The following MMP24 variants were observed in gnomAD, a reference collection of about 807,000 sequenced individuals.
The protein encoded by MMP24 is matrix metalloproteinase-24.
In MMP24, 25 loss-of-function variants were observed where a neutral mutation model predicts 62.8. The ratio of observed to expected loss-of-function variants is 0.40; its 90% CI spans 0.29 to 0.56. The LOEUF is 0.56. Among genes scored for constraint, MMP24 ranks in the 20% least tolerant of loss-of-function variants. The pLI is 0.50. For missense variants in MMP24, 634 were observed against 853.6 expected, an observed-to-expected ratio of 0.74 and a Z score of 3.21; for synonymous variants, 319 against 350.5, an observed-to-expected ratio of 0.91 and a Z score of 1.00.
intron 5 of MMP24, among the ~76,000 whole-genome samples, chr20:35,266,448 C>T (rs2060636211): frequency 6.6e-6 from 1 of 151,656 alleles, no homozygotes; most frequent in East Asian, 1.9e-4. Context: ...AATATGCAGC[C>T]CAAGTGAAGA....
intron 1 of MMP24, among the ~76,000 whole-genome samples, chr20:35,240,763 C>A (rs1173842241): frequency 6.6e-6 from 1 of 152,146 alleles, no homozygotes; most frequent in Admixed American, 6.5e-5. Flanking sequence ...GATATCCAGG[C>A]AGTGCCTCCT....
chr20:35,229,274 A>T (rs1417076412), intron 1 of MMP24, among the ~76,000 whole-genome samples: 3 of 152,050 alleles, frequency 2.0e-5, no homozygotes, highest in Non-Finnish European at 4.4e-5. Flanking sequence ...GCTTAATATG[A>T]TCTGAAGTCT....
At chr20:35,252,400 A>G (rs1169995172) in intron 3 of MMP24, among the ~76,000 whole-genome samples, 2 of 152,182 alleles carry the variant, frequency 1.3e-5, no homozygotes, top group Non-Finnish European at 2.9e-5. Context: ...AGCCTGCGTG[A>G]CAGAGTGAGA....
rs758526849 is a variant in MMP24 at position 35,274,357 on chromosome 20, C to A, written c.1686C>A (p.Ile562=). The change falls in exon 9 of 9, where the codon ATC becomes ATA. Residue 562 remains isoleucine (I), a synonymous_variant. Transcript: ENST00000246186. The surrounding 1 kb of genome is among the most constrained non-coding windows in gnomAD (Gnocchi z 5.1). ...LSVEPGYPRN[I]LRDWMGCNQK... ...TGGAGCCAGGCTACCCGCGCAACATCCTGCGTGACTGGATGGGCTGCAACC... is the reference window on the plus strand; with the variant it reads ...TGGAGCCAGGCTACCCGCGCAACATACTGCGTGACTGGATGGGCTGCAACC... 1 of 1,613,980 alleles carries A rather than the reference C, an allele frequency of 6.2e-7. No homozygotes were observed. Among genetic ancestry groups the A allele is most frequent in the South Asian group, 1.1e-5 (1 of 91,084 alleles).
chr20:35,251,116 CTT>C (rs59317276), intron 2 of MMP24, among the ~76,000 whole-genome samples: 22 of 138,706 alleles, frequency 1.6e-4, no homozygotes, highest in Non-Finnish European at 1.4e-4. Flanking sequence ...TAAGCCACTT[CTT>C]TTTTTTTTTT....
At chr20:35,266,249 G>A (rs1043372098) in intron 5 of MMP24, among the ~76,000 whole-genome samples, 6 of 149,894 alleles carry the variant, frequency 4.0e-5, no homozygotes, top group Admixed American at 1.3e-4. Context: ...CTACTTGGGA[G>A]GATGAGGCAG....
At chr20:35,238,336 C>T (rs564856487) in intron 1 of MMP24, among the ~76,000 whole-genome samples, 23 of 152,164 alleles carry the variant, frequency 1.5e-4, no homozygotes, top group Admixed American at 4.6e-4. Flanking sequence ...CAGGAGGAAG[C>T]GACAGATATT....
intron 4 of MMP24, among the ~76,000 whole-genome samples, chr20:35,261,935 G>C: frequency 6.6e-6 from 1 of 151,702 alleles, no homozygotes; most frequent in Non-Finnish European, 1.5e-5. Flanking sequence ...GGAGTAGCTG[G>C]TACTATAGGC....
chr20:35,257,840 A>G (rs2060582343), intron 4 of MMP24, among the ~76,000 whole-genome samples: 1 of 152,242 alleles, frequency 6.6e-6, no homozygotes, highest in African/African-American at 2.4e-5. Context: ...TGGAAAACCA[A>G]GCAGGAACTG....
chr20:35,242,859 G>A (rs780071656), intron 1 of MMP24, among the ~76,000 whole-genome samples: 4 of 152,088 alleles, frequency 2.6e-5, no homozygotes, highest in Admixed American at 6.6e-5. Context: ...CACATGGGAG[G>A]GCAGGATGGC....
At chr20:35,264,879 T>G (rs899880443) in intron 5 of MMP24, among the ~76,000 whole-genome samples, 1 of 152,050 alleles carries the variant, frequency 6.6e-6, no homozygotes, top group East Asian at 1.9e-4. Context: ...GGGAGACCAG[T>G]TTACTTGAGC....
intron 2 of MMP24, among the ~76,000 whole-genome samples, chr20:35,251,371 C>T (rs990357439): frequency 1.3e-5 from 2 of 152,184 alleles, no homozygotes; most frequent in Middle Eastern, 3.4e-3. Context: ...ATAATCCACC[C>T]GCCTCAGCCT....
intron 4 of MMP24, among the ~76,000 whole-genome samples, chr20:35,258,082 G>T (rs1378387186): frequency 1.3e-5 from 2 of 152,128 alleles, no homozygotes; most frequent in Non-Finnish European, 2.9e-5. Context: ...CACAAAAGTA[G>T]GAAGAATGCT....
Position 35,274,235 on chromosome 20 carries a change from T to C in MMP24, c.1601-37T>C. 1.9e-6 allele frequency: 3 copies of C among 1,550,430 alleles called. No homozygotes were observed. Among genetic ancestry groups the C allele is most frequent in the Non-Finnish European group, 2.6e-6 (3 of 1,144,278 alleles). On this transcript the variant is annotated intron_variant, in intron 8 of 8. Coordinates refer to ENST00000246186, the MANE Select transcript of MMP24 (RefSeq NM_006690.4). The surrounding 1 kb of genome is among the most constrained non-coding windows in gnomAD (Gnocchi z 5.1). ...ACTGCCCCAGAGCAGGTGCCGGAAG[T>C]GTCTGGGAGTGGTGATGCTGGGCTG...
rs2060699338 is a variant in MMP24, at chr20:35,275,575, A to C, written c.*966A>C. On this transcript the variant is annotated 3_prime_UTR_variant, in exon 9 of 9. Transcript: ENST00000246186. ...TTGTCACTGTCCCCAGCTTTGCTCC[A>C]GTCTGTCACTTGCAGCCTGGAGCTC... is the stretch of plus-strand genomic sequence containing the variant. The C allele has an allele frequency of 6.5e-6, 1 of 154,064 alleles. No homozygotes were observed. The highest frequency in any genetic ancestry group is 2.4e-5 in the African/African-American group (1 of 41,530). The allele number at this position is 154,064 out of a possible 1,614,324, so 9.5% of individuals were successfully genotyped here.
At chr20:35,262,164 C>T (rs1055243261) in intron 4 of MMP24, among the ~76,000 whole-genome samples, 36 of 152,082 alleles carry the variant, frequency 2.4e-4, no homozygotes, top group Middle Eastern at 6.8e-3. Flanking sequence ...GGGTGTTTCT[C>T]GTAAGGTGGA....
chr20:35,264,707 CAAAAAAAAAAA>C (rs57309455), intron 5 of MMP24, among the ~76,000 whole-genome samples: 31 of 43,540 alleles, frequency 7.1e-4, no homozygotes, highest in Admixed American at 2.3e-3. Flanking sequence ...GACTCCGTCT[CAAAAAAAAAAA>C]AAAAAAAAAA....
At chr20:35,256,265 T>A (rs1490903838) in intron 4 of MMP24, 1 of 152,164 alleles carries the variant, frequency 6.6e-6, no homozygotes, top group Admixed American at 6.5e-5. Context: ...TAGAGAAACA[T>A]TAAGTCACCT....
chr20:35,242,530 A>G (rs1455685041), intron 1 of MMP24, among the ~76,000 whole-genome samples: 1 of 152,190 alleles, frequency 6.6e-6, no homozygotes, highest in Non-Finnish European at 1.5e-5. Flanking sequence ...AGGGAAACGC[A>G]TTGGGTTATC....
Sources: allele counts gnomAD v4.1 joint callset (sites outside exome capture counted in the v4.1 genomes callset), GRCh38; gene constraint gnomAD v4.1.1; non-coding constraint Gnocchi (gnomAD v3.1); transcripts MANE v1.5; gene names NCBI Gene and HGNC (gene_info 2026-07-23, HGNC 2026-07-21).